The following CAB39L variants were observed in gnomAD, a reference collection of about 807,000 sequenced individuals.
CAB39L encodes the protein calcium binding protein 39 like, also known as calcium-binding protein 39-like.
CAB39L carries 23 observed loss-of-function variants against 39.1 expected under a neutral mutation model. The ratio of observed to expected loss-of-function variants is 0.59; its 90% CI spans 0.42 to 0.83. The LOEUF is 0.83. Ranked by LOEUF, CAB39L falls within the 40% of genes least tolerant of loss-of-function variation. CAB39L has a pLI of 0.00. For synonymous variants in CAB39L, 126 were observed against 137.2 expected (o/e 0.92, Z 0.57); for missense variants, 366 against 391.9 (o/e 0.93, Z 0.56).
intron 6 of CAB39L, among the ~76,000 whole-genome samples, chr13:49,353,713 G>T (rs1431747159): frequency 6.6e-6 from 1 of 151,888 alleles, no homozygotes; most frequent in Admixed American, 6.6e-5. Flanking sequence ...TCTGTATTAT[G>T]TTATACTGCA....
chr13:49,395,841 G>GC (rs1285777670), intron 3 of CAB39L, among the ~76,000 whole-genome samples: 2 of 152,076 alleles, frequency 1.3e-5, no homozygotes, highest in African/African-American at 4.8e-5. Flanking sequence ...GCAGGGGGCA[G>GC]GGGGGTAGGA....
chr13:49,336,659 A>G (rs1954856066), intron 9 of CAB39L, among the ~76,000 whole-genome samples: 1 of 152,182 alleles, frequency 6.6e-6, no homozygotes, highest in Non-Finnish European at 1.5e-5. Context: ...GCAACTTCCT[A>G]TATGCTGGAC....
At chr13:49,344,094 G>A (rs1386415502) in intron 8 of CAB39L, 85 bp downstream of exon 8, 2 of 812,856 alleles carry the variant, frequency 2.5e-6, no homozygotes, top group East Asian at 2.5e-5. Context: ...TTCTCTTGTG[G>A]ATAATTCACA....
chr13:49,383,418 A>G (rs1343786321), intron 3 of CAB39L, among the ~76,000 whole-genome samples: 2 of 152,210 alleles, frequency 1.3e-5, no homozygotes, highest in Non-Finnish European at 2.9e-5. Context: ...TGTCCTAGAC[A>G]TTTCTGGCTC....
chr13:49,383,754 T>C (rs918601918), intron 3 of CAB39L, among the ~76,000 whole-genome samples: 2 of 152,242 alleles, frequency 1.3e-5, no homozygotes, highest in Non-Finnish European at 2.9e-5. Flanking sequence ...ACATGGCACA[T>C]GTATACATAT....
intron 7 of CAB39L, among the ~76,000 whole-genome samples, chr13:49,347,967 C>A (rs144790300): frequency 1.2e-4 from 19 of 152,172 alleles, no homozygotes; most frequent in Non-Finnish European, 2.5e-4. Flanking sequence ...GTTAACTCCC[C>A]TTCTTCCCTT....
chr13:49,355,341 C>T (rs751751086), intron 6 of CAB39L, among the ~76,000 whole-genome samples: 39 of 152,042 alleles, frequency 2.6e-4, no homozygotes, highest in Non-Finnish European at 5.1e-4. Context: ...GTGATCACAG[C>T]ACTACCTTCT....
chr13:49,423,933 T>G (rs1206445989), intron 3 of CAB39L, among the ~76,000 whole-genome samples: 1 of 152,238 alleles, frequency 6.6e-6, no homozygotes, highest in Admixed American at 6.5e-5. Flanking sequence ...AATGGCATTC[T>G]TATTCTTTGG....
At chr13:49,406,686 AAT>A (rs1401845744) in intron 3 of CAB39L, among the ~76,000 whole-genome samples, 2 of 152,154 alleles carry the variant, frequency 1.3e-5, no homozygotes, top group Non-Finnish European at 2.9e-5. Flanking sequence ...ACTCCAAAAA[AAT>A]AGTTTGTTTT....
chr13:49,434,858 T>C (rs892150556), intron 1 of CAB39L, among the ~76,000 whole-genome samples: 10 of 152,322 alleles, frequency 6.6e-5, no homozygotes, highest in East Asian at 5.8e-4. Flanking sequence ...TTTTTGTGTG[T>C]GGTTATGTCA....
chr13:49,427,814 A>G (rs918578032), intron 3 of CAB39L, among the ~76,000 whole-genome samples: 20 of 152,222 alleles, frequency 1.3e-4, no homozygotes, highest in Admixed American at 9.8e-4. Flanking sequence ...GAAGCCCAAG[A>G]TGAAGGTGTC....
At chr13:49,316,952 A>G (rs1049052138) in intron 10 of CAB39L, among the ~76,000 whole-genome samples, 4 of 152,186 alleles carry the variant, frequency 2.6e-5, no homozygotes, top group African/African-American at 9.6e-5. Context: ...AGGAGCACCA[A>G]GGACCTCTGG....
At chr13:49,332,228 G>T in intron 9 of CAB39L, 138 bp from the exon 10 acceptor site, 1 of 919,602 alleles carries the variant, frequency 1.1e-6, no homozygotes, top group Non-Finnish European at 1.6e-6. Flanking sequence ...GTCCTTAAGT[G>T]CATCTCAAAG....
rs939460084 is a variant in CAB39L, at chr13:49,368,798, A to G, written c.276+8169T>C. Among the ~76,000 whole-genome samples, 11 of 152,174 alleles carry G rather than the reference A, an allele frequency of 7.2e-5. No individual in the cohort carries two copies. The East Asian group carries it at 2.1e-3, about 29-fold the overall frequency. On this transcript the variant is annotated intron_variant, in intron 5 of 10. Coordinates refer to ENST00000409308, the MANE Select transcript of CAB39L (RefSeq NM_001079670.3). ...ATTAACTCAAATCAAATAAGAAAAGAGAAAAGGAGGGAAGAAAGAGGTGGT... is the reference window on the plus strand; with the variant it reads ...ATTAACTCAAATCAAATAAGAAAAGGGAAAAGGAGGGAAGAAAGAGGTGGT...
At chr13:49,342,418 T>G (rs1009445133) in intron 8 of CAB39L, among the ~76,000 whole-genome samples, 1 of 152,144 alleles carries the variant, frequency 6.6e-6, no homozygotes, top group East Asian at 1.9e-4. Flanking sequence ...CATGAAATTG[T>G]TTTTTGCTTT....
intron 3 of CAB39L, 71 bp downstream of exon 3, chr13:49,433,247 G>A (rs556745658): frequency 1.5e-4 from 49 of 337,704 alleles, no homozygotes; most frequent in Middle Eastern, 7.9e-4. Context: ...TTTTATTTTG[G>A]TATGTTGAGC....
intron 8 of CAB39L, 139 bp downstream of exon 8, chr13:49,344,040 G>C (rs1955075555): frequency 6.1e-6 from 4 of 654,410 alleles, no homozygotes; most frequent in South Asian, 5.3e-5. Context: ...TGATGACCTG[G>C]TTTCCAGGTA....
intron 3 of CAB39L, among the ~76,000 whole-genome samples, chr13:49,427,881 C>T (rs1177183915): frequency 1.3e-5 from 2 of 152,116 alleles, no homozygotes; most frequent in Non-Finnish European, 2.9e-5. Flanking sequence ...GCCATCTTTT[C>T]GCTGTATCCT....
chr13:49,399,694 C>T (rs1956722841), intron 3 of CAB39L, among the ~76,000 whole-genome samples: 1 of 151,916 alleles, frequency 6.6e-6, no homozygotes, highest in African/African-American at 2.4e-5. Flanking sequence ...ATTTACATTC[C>T]TATGGGCCTG....
Sources: allele counts gnomAD v4.1 joint callset (sites outside exome capture counted in the v4.1 genomes callset), GRCh38; gene constraint gnomAD v4.1.1; transcripts MANE v1.5; gene names NCBI Gene and HGNC (gene_info 2026-07-23, HGNC 2026-07-21).